Variants in SMAD2 observed in about 807,000 individuals in gnomAD.
SMAD2 encodes the protein MAD homolog 2.
Under a neutral mutation model 64.4 loss-of-function variants are expected in SMAD2, and 8 were observed. The observed-to-expected ratio is 0.12, with a 90% CI of 0.07 to 0.22. The LOEUF (loss-of-function observed/expected upper bound fraction) is 0.22, where lower values mean the gene tolerates loss of function less well. SMAD2 is among the 10% of genes least tolerant of loss of function. SMAD2 has a pLI of 1.00. For synonymous variants in SMAD2, 203 were observed against 195.8 expected, an observed-to-expected ratio of 1.04 and a Z score of -0.31; for missense variants, 289 against 561.2, an observed-to-expected ratio of 0.51 and a Z score of 4.90.
Position 47,836,432 on chromosome 18 carries a change from T to G in SMAD2, c.*5395A>C, listed in dbSNP as rs776797883. 1 of 220,790 alleles carries G rather than the reference T, an allele frequency of 4.5e-6. No individual in the cohort carries two copies. The highest frequency in any genetic ancestry group is 2.2e-5 in the African/African-American group (1 of 44,666). The allele number at this position is 220,790 out of a possible 1,614,324, so 13.7% of individuals were successfully genotyped here. ...TACCAAGTTGCCAAAAAATGGTATA[T>G]TAAATGAACTGCCAAATGGCAGATT... On this transcript the variant is annotated 3_prime_UTR_variant, in exon 11 of 11. Coordinates refer to ENST00000262160, the MANE Select transcript of SMAD2 (RefSeq NM_005901.6).
chr18:47,918,059 G>A (rs1375663620), intron 1 of SMAD2, among the ~76,000 whole-genome samples: 2 of 152,156 alleles, frequency 1.3e-5, no homozygotes, highest in Admixed American at 6.5e-5. Context: ...AGCAAGTCAC[G>A]GCAGGAACTG....
chr18:47,908,185 T>C (rs962241538), intron 1 of SMAD2, among the ~76,000 whole-genome samples: 10 of 152,186 alleles, frequency 6.6e-5, no homozygotes, highest in African/African-American at 1.9e-4. Flanking sequence ...AACATGCAGA[T>C]AGCCTCTGCA....
At chr18:47,850,711 T>TA (rs1238996218) in intron 7 of SMAD2, among the ~76,000 whole-genome samples, 2 of 22,458 alleles carry the variant, frequency 8.9e-5, no homozygotes, top group Non-Finnish European at 1.3e-4. Context: ...TTATATACTA[T>TA]ATATATATTA....
chr18:47,893,093 A>G (rs1232829315), intron 2 of SMAD2, among the ~76,000 whole-genome samples: 4 of 152,120 alleles, frequency 2.6e-5, no homozygotes. Context: ...CATCCCTCGG[A>G]CTCAAAAATG....
At chr18:47,926,152 G>A (rs999538559) in intron 1 of SMAD2, among the ~76,000 whole-genome samples, 1 of 152,198 alleles carries the variant, frequency 6.6e-6, no homozygotes, top group East Asian at 1.9e-4. Flanking sequence ...TGTCTGAATG[G>A]CAAAACAAAT....
chr18:47,908,943 A>C (rs773550818), intron 1 of SMAD2, among the ~76,000 whole-genome samples: 1 of 152,200 alleles, frequency 6.6e-6, no homozygotes, highest in Non-Finnish European at 1.5e-5. Context: ...TGCTCCCAAG[A>C]AGCAGAGAAA....
chr18:47,887,708 C>T (rs1240532128), intron 2 of SMAD2, among the ~76,000 whole-genome samples: 4 of 152,138 alleles, frequency 2.6e-5, no homozygotes, highest in Non-Finnish European at 5.9e-5. Flanking sequence ...TTCATTCTAC[C>T]GATACAGGGG....
chr18:47,898,563 A>T (rs977211683), intron 1 of SMAD2, among the ~76,000 whole-genome samples: 2 of 152,228 alleles, frequency 1.3e-5, no homozygotes, highest in Non-Finnish European at 2.9e-5. Flanking sequence ...ATTTTCATAG[A>T]TTATATGCTA....
intron 5 of SMAD2, 77 bp from the exon 6 acceptor site, chr18:47,865,210 C>G: frequency 1.3e-6 from 1 of 770,686 alleles, no homozygotes; most frequent in Non-Finnish European, 2.4e-6. Context: ...CAGAGATAAC[C>G]AATGAATCAC....
chr18:47,925,729 A>C (rs531242871), intron 1 of SMAD2, among the ~76,000 whole-genome samples: 4 of 152,348 alleles, frequency 2.6e-5, no homozygotes, highest in South Asian at 4.1e-4. Flanking sequence ...CTAAAAAAAA[A>C]CCTGATTCTT....
chr18:47,897,060 G>C (rs2033470174), intron 1 of SMAD2, among the ~76,000 whole-genome samples: 1 of 152,124 alleles, frequency 6.6e-6, no homozygotes. Context: ...AGTAAAATCA[G>C]ATACTTTTAA....
chr18:47,897,019 T>C (rs2033468420), intron 1 of SMAD2, among the ~76,000 whole-genome samples: 1 of 152,206 alleles, frequency 6.6e-6, no homozygotes, highest in Non-Finnish European at 1.5e-5. Context: ...TTGTAAGGAC[T>C]CCTCTTGTGG....
At chr18:47,851,031 G>A (rs1226084235) in intron 7 of SMAD2, among the ~76,000 whole-genome samples, 1 of 149,052 alleles carries the variant, frequency 6.7e-6, no homozygotes, top group Non-Finnish European at 1.5e-5. Context: ...TGAGGAATAT[G>A]ATTTCAATAA....
chr18:47,889,735 C>T (rs898804916), intron 2 of SMAD2, among the ~76,000 whole-genome samples: 20 of 150,244 alleles, frequency 1.3e-4, no homozygotes, highest in African/African-American at 4.7e-4. Context: ...CACGCCACTG[C>T]ACTCCAGCCT....
At chr18:47,856,014 C>A (rs1030538037) in intron 6 of SMAD2, among the ~76,000 whole-genome samples, 2 of 152,048 alleles carry the variant, frequency 1.3e-5, no homozygotes, top group African/African-American at 4.8e-5. Flanking sequence ...GTTATACACA[C>A]AATTGAATGT....
chr18:47,902,207 T>A (rs1488279072), intron 1 of SMAD2, among the ~76,000 whole-genome samples: 1 of 152,218 alleles, frequency 6.6e-6, no homozygotes, highest in East Asian at 1.9e-4. Flanking sequence ...AATGATCAGC[T>A]GCAGACCTCT....
chr18:47,882,611 G>A (rs1165165997), intron 2 of SMAD2, among the ~76,000 whole-genome samples: 2 of 152,030 alleles, frequency 1.3e-5, no homozygotes, highest in African/African-American at 2.4e-5. Context: ...TTTTCTTTTA[G>A]TTGCATCTTT....
At chr18:47,858,476 T>A (rs551443347) in intron 6 of SMAD2, among the ~76,000 whole-genome samples, 1 of 152,288 alleles carries the variant, frequency 6.6e-6, no homozygotes, top group South Asian at 2.1e-4. Flanking sequence ...GGAGCCAAAC[T>A]GGTAAATATG....
chr18:47,929,238 G>A (rs2034899428), intron 1 of SMAD2, among the ~76,000 whole-genome samples: 2 of 152,052 alleles, frequency 1.3e-5, no homozygotes, highest in South Asian at 2.1e-4. Flanking sequence ...TCTGTAAGAT[G>A]GAAACTTTTT....
Sources: allele counts gnomAD v4.1 joint callset (sites outside exome capture counted in the v4.1 genomes callset), GRCh38; gene constraint gnomAD v4.1.1; transcripts MANE v1.5; gene names NCBI Gene and HGNC (gene_info 2026-07-23, HGNC 2026-07-21).